The following DCC variants were observed in gnomAD, a reference collection of about 807,000 sequenced individuals.
DCC encodes the protein DCC netrin 1 receptor, also known as netrin receptor DCC.
A neutral mutation model predicts 172.5 loss-of-function variants in DCC; 58 were observed. The ratio of observed to expected loss-of-function variants is 0.34; its 90% CI spans 0.27 to 0.42. The LOEUF (loss-of-function observed/expected upper bound fraction) is 0.42, where lower values mean the gene tolerates loss of function less well. Among genes scored for constraint, DCC ranks in the 10% least tolerant of loss-of-function variants. The pLI, the probability that DCC is intolerant of heterozygous loss-of-function variation, is 1.00. For synonymous variants in DCC, 709 were observed against 644.5 expected (o/e 1.10, Z -1.52); for missense variants, 1,740 against 1,791.0 (o/e 0.97, Z 0.51).
intron 1 of DCC, among the ~76,000 whole-genome samples, chr18:52,356,717 A>T (rs1984379416): frequency 6.6e-6 from 1 of 152,138 alleles, no homozygotes; most frequent in Non-Finnish European, 1.5e-5. Flanking sequence ...TAGTGAGGTT[A>T]TGAGAGTAGG....
At chr18:52,639,144 T>G (rs1011239658) in intron 1 of DCC, among the ~76,000 whole-genome samples, 1 of 152,128 alleles carries the variant, frequency 6.6e-6, no homozygotes, top group South Asian at 2.1e-4. Context: ...CCAAAATCTC[T>G]GTGATACAGC....
intron 5 of DCC, among the ~76,000 whole-genome samples, chr18:53,057,917 T>TATATAATAAGTTATAATATATA (rs1373394277): frequency 2.0e-5 from 3 of 151,958 alleles, no homozygotes; most frequent in Non-Finnish European, 2.9e-5. Context: ...AAAGATAACT[T>TATATAATAAGTTATAATATATA]ATATAATAAG....
At chr18:53,474,094 TAAG>T (rs2045732315) in intron 25 of DCC, among the ~76,000 whole-genome samples, 1 of 152,180 alleles carries the variant, frequency 6.6e-6, no homozygotes, top group African/African-American at 2.4e-5. Context: ...CCAAAATTTA[TAAG>T]AATATTCTGA....
At position 53,334,002 on chromosome 18, in the gene DCC, C is replaced by T. The variant is rs571274236; in HGVS notation, c.2165-5711C>T. Among the ~76,000 whole-genome samples the T allele has an allele frequency of 5.3e-5, 8 of 152,280 alleles. No homozygotes were observed. In the South Asian group the frequency reaches 1.7e-3, roughly 32 times the overall value. ...ATTTCAGTTCATCAACCAACAGTTA[C>T]CAAGTCAAAGACCTATGGGTTATGA... On this transcript the variant is annotated intron_variant, in intron 14 of 28. Transcript: ENST00000442544.
chr18:52,927,603 G>T (rs921064394), intron 5 of DCC, among the ~76,000 whole-genome samples: 11 of 151,882 alleles, frequency 7.2e-5, no homozygotes, highest in African/African-American at 2.7e-4. Flanking sequence ...TACCTCTAGT[G>T]AACCTTGACT....
At chr18:52,934,385 A>T (rs1039837473) in intron 5 of DCC, among the ~76,000 whole-genome samples, 4 of 152,108 alleles carry the variant, frequency 2.6e-5, no homozygotes, top group African/African-American at 9.7e-5. Flanking sequence ...CTGTGCTTCT[A>T]CACCTTGCTG....
intron 21 of DCC, among the ~76,000 whole-genome samples, chr18:53,424,003 CGAG>C (rs1910769840): frequency 6.6e-6 from 1 of 151,872 alleles, no homozygotes; most frequent in Non-Finnish European, 1.5e-5. Flanking sequence ...TTGGGGGAGA[CGAG>C]AAGTTATGCA....
intron 5 of DCC, among the ~76,000 whole-genome samples, chr18:52,950,819 G>A (rs975895934): frequency 1.3e-5 from 2 of 151,502 alleles, no homozygotes; most frequent in East Asian, 1.9e-4. Flanking sequence ...CAGCTACTCG[G>A]GAGGCTGTGG....
At chr18:53,277,207 C>A (rs190296581) in intron 12 of DCC, among the ~76,000 whole-genome samples, 1 of 152,134 alleles carries the variant, frequency 6.6e-6, no homozygotes, top group African/African-American at 2.4e-5. Flanking sequence ...CGATAGCTCA[C>A]GCCTATAATC....
At chr18:53,508,810 A>G (rs545623348) in intron 27 of DCC, among the ~76,000 whole-genome samples, 2 of 152,332 alleles carry the variant, frequency 1.3e-5, no homozygotes, top group African/African-American at 4.8e-5. Context: ...TCGTTCCCTT[A>G]GTCTAGAGAA....
intron 1 of DCC, among the ~76,000 whole-genome samples, chr18:52,522,285 TG>T (rs1399496433): frequency 6.6e-6 from 1 of 152,168 alleles, no homozygotes; most frequent in Non-Finnish European, 1.5e-5. Context: ...ACAGGCATTT[TG>T]TCTAGATCTA....
At chr18:52,515,981 G>A (rs542363612) in intron 1 of DCC, among the ~76,000 whole-genome samples, 1 of 148,172 alleles carries the variant, frequency 6.7e-6, no homozygotes, top group South Asian at 2.1e-4. Flanking sequence ...ATACCCAGAT[G>A]GCAAGTAAAC....
intron 7 of DCC, among the ~76,000 whole-genome samples, chr18:53,138,410 T>C (rs192161906): frequency 1.8e-4 from 28 of 152,332 alleles, no homozygotes; most frequent in African/African-American, 6.3e-4. Context: ...CTACTATTCA[T>C]AAAGTCAAAA....
chr18:52,936,669 C>A (rs1296418916), intron 5 of DCC, among the ~76,000 whole-genome samples: 1 of 151,276 alleles, frequency 6.6e-6, no homozygotes, highest in East Asian at 2.0e-4. Flanking sequence ...AATTGACAAT[C>A]TGTGGCTCAC....
chr18:52,666,031 C>T (rs1459926947), intron 1 of DCC, among the ~76,000 whole-genome samples: 1 of 152,144 alleles, frequency 6.6e-6, no homozygotes, highest in African/African-American at 2.4e-5. Flanking sequence ...GGTGCCGTGA[C>T]TCATGCCTGT....
At chr18:53,208,983 G>A (rs1271044077) in intron 11 of DCC, among the ~76,000 whole-genome samples, 1 of 152,146 alleles carries the variant, frequency 6.6e-6, no homozygotes, top group East Asian at 1.9e-4. Context: ...CACCCGCCTT[G>A]GCCTCACATA....
At chr18:53,464,659 AC>A (rs1359261611) in intron 24 of DCC, among the ~76,000 whole-genome samples, 4 of 151,868 alleles carry the variant, frequency 2.6e-5, no homozygotes, top group Non-Finnish European at 4.4e-5. Flanking sequence ...ACACACAGAC[AC>A]CCAACAATAT....
At chr18:53,402,397 A>ATAAATAAATAAAT (rs5825017) in intron 18 of DCC, among the ~76,000 whole-genome samples, 1 of 127,832 alleles carries the variant, frequency 7.8e-6, no homozygotes, top group Non-Finnish European at 1.9e-5. Flanking sequence ...CTCAAAAAAA[A>ATAAATAAATAAAT]AAAAAAATAA....
At chr18:53,041,323 T>A (rs2042166088) in intron 5 of DCC, among the ~76,000 whole-genome samples, 1 of 152,058 alleles carries the variant, frequency 6.6e-6, no homozygotes, top group Non-Finnish European at 1.5e-5. Flanking sequence ...CAGATGGTTG[T>A]AGATGTGGTG....
Sources: gnomAD v4.1 joint callset for allele counts (sites outside exome capture counted in the v4.1 genomes callset) on GRCh38, gnomAD v4.1.1 for gene constraint, MANE v1.5 for transcripts, NCBI Gene and HGNC (gene_info 2026-07-23, HGNC 2026-07-21) for gene names.